The following RAB8B variants were observed in gnomAD, a reference collection of about 807,000 sequenced individuals.
RAB8B encodes ras-related protein Rab-8B.
RAB8B carries 11 observed loss-of-function variants against 32.0 expected under a neutral mutation model. That is an observed-to-expected ratio of 0.34 (90% CI 0.22 to 0.57). RAB8B has a LOEUF of 0.57. Ranked by LOEUF, RAB8B falls within the 20% of genes least tolerant of loss-of-function variation. RAB8B has a pLI of 0.86. For synonymous variants in RAB8B, 103 were observed against 89.6 expected, an observed-to-expected ratio of 1.15 and a Z score of -0.85; for missense variants, 190 against 258.5, an observed-to-expected ratio of 0.73 and a Z score of 1.82.
At chr15:63,252,585 A>G (rs889684631) in intron 3 of RAB8B, among the ~76,000 whole-genome samples, 1 of 125,598 alleles carries the variant, frequency 8.0e-6, no homozygotes, top group African/African-American at 2.5e-5. Context: ...AGGATGGTAG[A>G]GCTAGGGCAG....
intron 1 of RAB8B, among the ~76,000 whole-genome samples, chr15:63,197,370 C>CTTTTTTTTTTTTTTTTTTTTTTTT (rs58765418): frequency 4.9e-5 from 3 of 61,412 alleles, no homozygotes; most frequent in Non-Finnish European, 8.7e-5. Context: ...TCTTTCTTTT[C>CTTTTTTTTTTTTTTTTTTTTTTTT]TTTTTTTTTT....
At chr15:63,223,469 TA>T (rs1471192326) in intron 1 of RAB8B, among the ~76,000 whole-genome samples, 1 of 152,226 alleles carries the variant, frequency 6.6e-6, no homozygotes, top group East Asian at 1.9e-4. Context: ...TAGATATGTT[TA>T]AACACACAAA....
intron 1 of RAB8B, among the ~76,000 whole-genome samples, chr15:63,226,603 C>T (rs956432672): frequency 6.6e-6 from 1 of 152,110 alleles, no homozygotes; most frequent in Non-Finnish European, 1.5e-5. Context: ...AAATGGCCAG[C>T]GTCATTTTTC....
At chr15:63,216,669 G>A (rs1280452381) in intron 1 of RAB8B, among the ~76,000 whole-genome samples, 3 of 151,864 alleles carry the variant, frequency 2.0e-5, no homozygotes, top group African/African-American at 7.3e-5. Flanking sequence ...AGACCAGCCT[G>A]GCCAATATGA....
At chr15:63,200,016 T>A (rs1253168121) in intron 1 of RAB8B, among the ~76,000 whole-genome samples, 1 of 152,216 alleles carries the variant, frequency 6.6e-6, no homozygotes. Context: ...AACAATTGGT[T>A]TGTGTTTTGA....
intron 1 of RAB8B, among the ~76,000 whole-genome samples, chr15:63,222,526 T>A (rs1166951047): frequency 6.6e-6 from 1 of 152,166 alleles, no homozygotes; most frequent in Non-Finnish European, 1.5e-5. Flanking sequence ...TTGATGATGA[T>A]GATGATAATG....
rs1218008408 is a variant in RAB8B at position 63,248,490 on chromosome 15, T to A, written c.186-1155T>A. Among the ~76,000 whole-genome samples the A allele has an allele frequency of 6.6e-6, 1 of 152,130 alleles. No homozygotes were observed. The highest frequency in any genetic ancestry group is 1.5e-5 in the Non-Finnish European group (1 of 68,022). On this transcript the variant is annotated intron_variant, in intron 2 of 7. Transcript: ENST00000321437. This position sits in a 1 kb window ranked among gnomAD's most constrained non-coding sequence, Gnocchi z 4.4. ...TTGTGCCACTGGACCCCAGCCTGGG[T>A]GACAGAGCGAGACTCCATCTCAAAA... is the stretch of plus-strand genomic sequence containing the variant.
At chr15:63,189,859 C>G (rs2037539315) in intron 1 of RAB8B, 111 bp downstream of exon 1, 1 of 1,211,968 alleles carries the variant, frequency 8.3e-7, no homozygotes, top group Non-Finnish European at 1.1e-6. Context: ...ACCCCGGGGA[C>G]TGCAAGGTGG....
chr15:63,211,892 C>T (rs550431327), intron 1 of RAB8B, among the ~76,000 whole-genome samples: 6 of 152,118 alleles, frequency 3.9e-5, no homozygotes, highest in Non-Finnish European at 8.8e-5. Flanking sequence ...AGTGCAGTGG[C>T]GCAATCATGG....
chr15:63,256,769 T>A (rs2038162099), intron 5 of RAB8B, among the ~76,000 whole-genome samples, 175 bp downstream of exon 5: 1 of 152,208 alleles, frequency 6.6e-6, no homozygotes, highest in Non-Finnish European at 1.5e-5. Flanking sequence ...GTATTCGAGA[T>A]CCAGCTCTCT....
intron 1 of RAB8B, among the ~76,000 whole-genome samples, chr15:63,207,732 T>C (rs2037710607): frequency 6.6e-6 from 1 of 151,976 alleles, no homozygotes; most frequent in Admixed American, 6.6e-5. Context: ...GCAAATTTTC[T>C]TTTTTGGTAT....
chr15:63,190,669 T>C (rs1013149958), intron 1 of RAB8B, among the ~76,000 whole-genome samples: 2 of 152,190 alleles, frequency 1.3e-5, no homozygotes, highest in African/African-American at 4.8e-5. Context: ...TTAATGGATG[T>C]TAAGGGAATT....
intron 5 of RAB8B, among the ~76,000 whole-genome samples, chr15:63,258,893 G>T (rs1477633680): frequency 6.6e-6 from 1 of 152,066 alleles, no homozygotes; most frequent in Non-Finnish European, 1.5e-5. Flanking sequence ...TCAGAAAAGG[G>T]GAGGAGGTTG....
chr15:63,194,185 C>T (rs902924688), intron 1 of RAB8B, among the ~76,000 whole-genome samples: 3 of 152,074 alleles, frequency 2.0e-5, no homozygotes, highest in Non-Finnish European at 4.4e-5. Context: ...TTATTCCTGT[C>T]CCAATTTTAT....
chr15:63,192,985 G>A (rs773492057), intron 1 of RAB8B, among the ~76,000 whole-genome samples: 4 of 152,116 alleles, frequency 2.6e-5, no homozygotes, highest in Non-Finnish European at 4.4e-5. Context: ...CTACTTGGGA[G>A]GCTGAGGCAG....
chr15:63,251,098 T>C (rs2038113648), intron 3 of RAB8B, among the ~76,000 whole-genome samples: 1 of 152,090 alleles, frequency 6.6e-6, no homozygotes, highest in Non-Finnish European at 1.5e-5. Context: ...AGTGTACCAC[T>C]AACCATTTTA....
chr15:63,204,602 G>A (rs1213473558), intron 1 of RAB8B, among the ~76,000 whole-genome samples: 1 of 152,078 alleles, frequency 6.6e-6, no homozygotes, highest in Non-Finnish European at 1.5e-5. Flanking sequence ...ACATGAATTC[G>A]AACAATACAT....
At chr15:63,213,350 T>C (rs2037763036) in intron 1 of RAB8B, among the ~76,000 whole-genome samples, 1 of 152,198 alleles carries the variant, frequency 6.6e-6, no homozygotes, top group Non-Finnish European at 1.5e-5. Flanking sequence ...GCTGTTATAA[T>C]GTAACTTAGG....
chr15:63,209,776 G>A (rs1457938085), intron 1 of RAB8B, among the ~76,000 whole-genome samples: 1 of 151,190 alleles, frequency 6.6e-6, no homozygotes, highest in East Asian at 1.9e-4. Flanking sequence ...TATACTTTAA[G>A]TTCTGGGATA....
Sources: allele counts gnomAD v4.1 joint callset (sites outside exome capture counted in the v4.1 genomes callset), GRCh38; gene constraint gnomAD v4.1.1; non-coding constraint Gnocchi (gnomAD v3.1); transcripts MANE v1.5; gene names NCBI Gene and HGNC (gene_info 2026-07-23, HGNC 2026-07-21).